NAPG: variants seen among roughly 807,000 people sequenced by gnomAD.
The protein encoded by NAPG is gamma-soluble NSF attachment protein.
Under a neutral mutation model 48.4 loss-of-function variants are expected in NAPG, and 25 were observed. The ratio of observed to expected loss-of-function variants is 0.52; its 90% CI spans 0.38 to 0.72. The LOEUF (loss-of-function observed/expected upper bound fraction) is 0.72, where lower values mean the gene tolerates loss of function less well. Among genes scored for constraint, NAPG ranks in the 30% least tolerant of loss-of-function variants. The pLI is 0.00. For synonymous variants in NAPG, 139 were observed against 127.2 expected, an observed-to-expected ratio of 1.09 and a Z score of -0.62; for missense variants, 359 against 372.5, an observed-to-expected ratio of 0.96 and a Z score of 0.30.
chr18:10,526,501 G>A (rs2031815152), intron 1 of NAPG: 2 of 300,462 alleles, frequency 6.7e-6, no homozygotes, highest in Admixed American at 1.0e-4. Context: ...TGCATCGGAG[G>A]CTCGTTAGCA....
At chr18:10,532,066 T>C (rs1347236433) in intron 2 of NAPG, among the ~76,000 whole-genome samples, 1 of 152,210 alleles carries the variant, frequency 6.6e-6, no homozygotes, top group Non-Finnish European at 1.5e-5. Context: ...CAACCCTTGA[T>C]AAGTTTTCCA....
Position 10,544,240 on chromosome 18 carries a change from C to A in NAPG, c.507-2086C>A, listed in dbSNP as rs2032215427. The stretch of plus-strand genomic sequence containing the variant: ...TAGCAGATTGCTACAAACTTAGCAG[C>A]TTAAAACAGTACTCACTGATTAGCT... On this transcript the variant is annotated intron_variant, in intron 8 of 11. Coordinates refer to ENST00000322897, the MANE Select transcript of NAPG (RefSeq NM_003826.3). This position sits in a 1 kb window ranked among gnomAD's most constrained non-coding sequence, Gnocchi z 5.1. 1.3e-5 allele frequency among the ~76,000 whole-genome samples: 2 copies of A among 152,204 alleles called. No homozygotes were observed. The highest frequency in any genetic ancestry group is 2.9e-5 in the Non-Finnish European group (2 of 68,036).
chr18:10,528,192 A>C lies in NAPG; in HGVS notation c.56+2034A>C, dbSNP rs149771711. On this transcript the variant is annotated intron_variant, in intron 1 of 11. Transcript: ENST00000322897. ...CAGAGCAAGACTCTGTATCAAAAAAATAAATAAATAAAAAGGAAAAGAAAA... is the reference window on the plus strand; with the variant it reads ...CAGAGCAAGACTCTGTATCAAAAAACTAAATAAATAAAAAGGAAAAGAAAA... 9.6e-4 allele frequency among the ~76,000 whole-genome samples: 147 copies of C among 152,346 alleles called. 1 individual carries two copies. Among genetic ancestry groups the C allele is most frequent in the African/African-American group, 3.4e-3 (140 of 41,576 alleles).
chr18:10,540,452 T>G lies in NAPG; in HGVS notation c.506+53T>G. On this transcript the variant is annotated intron_variant, in intron 8 of 11. Transcript: ENST00000322897. Reference sequence around the variant, plus strand: ...GTTTAACTATACTTTGAATCCACATTTGGAACTGGAAAGTAATTTGGGGGA... The same window carrying G: ...GTTTAACTATACTTTGAATCCACATGTGGAACTGGAAAGTAATTTGGGGGA... 8 of 1,492,380 alleles carry G rather than the reference T, an allele frequency of 5.4e-6. No individual in the cohort carries two copies. The South Asian group carries it at 9.2e-5, about 17-fold the overall frequency. 92.4% of individuals were successfully genotyped at this position (1,492,380 alleles called of 1,614,324 possible). A position where few individuals can be genotyped will look rare whatever the true frequency, so the allele number is the denominator to read the frequency against.
chr18:10,542,823 G>A lies in NAPG; in HGVS notation c.506+2424G>A, dbSNP rs573792943. The stretch of plus-strand genomic sequence containing the variant: ...GAGAGTCAAAATTCAGAAGTGATTC[G>A]TAGTTTCATTTAGATTACATCTGGG... On this transcript the variant is annotated intron_variant, in intron 8 of 11. Transcript: ENST00000322897. This position sits in a 1 kb window ranked among gnomAD's most constrained non-coding sequence, Gnocchi z 4.5. 2.4e-4 allele frequency among the ~76,000 whole-genome samples: 36 copies of A among 152,196 alleles called. No homozygotes were observed. The South Asian group carries it at 7.3e-3, about 31-fold the overall frequency.
chr18:10,540,095 GT>G, intron 7 of NAPG, 41 bp downstream of exon 7: 1 of 1,450,360 alleles, frequency 6.9e-7, no homozygotes, highest in Non-Finnish European at 9.4e-7. Flanking sequence ...TACTTAGAAT[GT>G]TTAGATTAAT....
chr18:10,535,862 G>T (rs746065781), intron 5 of NAPG, among the ~76,000 whole-genome samples: 62 of 152,272 alleles, frequency 4.1e-4, no homozygotes, highest in Non-Finnish European at 8.2e-4. Flanking sequence ...GGCCAAACAT[G>T]CAACTGAATT....
At chr18:10,538,239 A>C (rs551391936) in intron 5 of NAPG, among the ~76,000 whole-genome samples, 1 of 152,168 alleles carries the variant, frequency 6.6e-6, no homozygotes, top group African/African-American at 2.4e-5. Flanking sequence ...GGAATAACTA[A>C]AATGAATGAG....
Position 10,550,167 on chromosome 18 carries a change from A to G in NAPG, c.886A>G (p.Thr296Ala). 6.3e-7 allele frequency: 1 copy of G among 1,588,840 alleles called. No individual in the cohort carries two copies. Among genetic ancestry groups the G allele is most frequent in the Non-Finnish European group, 8.6e-7 (1 of 1,169,500 alleles). Residue 296 changes from threonine to alanine, a missense_variant, in exon 12 of 12, where the codon ACT becomes GCT. Physicochemically the swap from Thr to Ala is moderately conservative, Grantham distance 58. Coordinates refer to ENST00000322897, the MANE Select transcript of NAPG (RefSeq NM_003826.3). The stretch of plus-strand genomic sequence containing the variant: ...ACCACAGGCCAAGCCTGATGGTGTC[A>G]CTGCCACGGCTGCTGATGAAGAGGA... ...ATPQAKPDGV[T>A]ATAADEEEDE...
At chr18:10,527,050 TGG>T (rs1465534811) in intron 1 of NAPG, among the ~76,000 whole-genome samples, 10 of 151,416 alleles carry the variant, frequency 6.6e-5, no homozygotes, top group Non-Finnish European at 2.9e-5. Context: ...TAGCCGGGCG[TGG>T]TGGCGGGCGC....
At chr18:10,533,855 T>G (rs985362551) in intron 4 of NAPG, among the ~76,000 whole-genome samples, 1 of 152,212 alleles carries the variant, frequency 6.6e-6, no homozygotes. Context: ...ATGGTGCCTG[T>G]GGAGATGAAG....
rs759809497 is a variant in NAPG at position 10,534,434 on chromosome 18, A to C, written c.228-32A>C. On this transcript the variant is annotated intron_variant, in intron 4 of 11. Transcript: ENST00000322897. The surrounding 1 kb of genome is among the most constrained non-coding windows in gnomAD (Gnocchi z 5.0). Reference sequence around the variant, plus strand: ...TTCTTCTACCCCTTATTTCGTTAAGATCTCATCAGAGAAATTATATTCTCT... The same window carrying C: ...TTCTTCTACCCCTTATTTCGTTAAGCTCTCATCAGAGAAATTATATTCTCT... The C allele has an allele frequency of 1.2e-6, 2 of 1,609,448 alleles. No homozygotes were observed. Among genetic ancestry groups the C allele is most frequent in the Non-Finnish European group, 8.5e-7 (1 of 1,176,298 alleles).
At chr18:10,530,188 C>CTTTTTTTTTTT (rs58597079) in intron 1 of NAPG, among the ~76,000 whole-genome samples, 1 of 67,332 alleles carries the variant, frequency 1.5e-5, no homozygotes, top group Non-Finnish European at 2.8e-5. Flanking sequence ...CGAGTTTTCA[C>CTTTTTTTTTTT]TTTTTTTTTT....
chr18:10,526,223 T>A, intron 1 of NAPG, 65 bp downstream of exon 1: 1 of 732,950 alleles, frequency 1.4e-6, no homozygotes, highest in Non-Finnish European at 2.4e-6. Context: ...GGCGCGGCCT[T>A]AGCACCCGGG....
At position 10,539,310 on chromosome 18, in the gene NAPG, A is replaced by G. The variant is rs1335419046; in HGVS notation, c.259-452A>G. 2 of 168,918 alleles carry G rather than the reference A, an allele frequency of 1.2e-5. No individual in the cohort carries two copies. Among genetic ancestry groups the G allele is most frequent in the African/African-American group, 4.8e-5 (2 of 41,680 alleles). 10.5% of individuals were successfully genotyped at this position (168,918 alleles called of 1,614,324 possible). On this transcript the variant is annotated intron_variant, in intron 5 of 11. Coordinates refer to ENST00000322897, the MANE Select transcript of NAPG (RefSeq NM_003826.3). The surrounding 1 kb of genome is among the most constrained non-coding windows in gnomAD (Gnocchi z 4.7). Reference sequence around the variant, plus strand: ...AAAGAAAATGTGGTACATATACACCATGGAATACTATGCAGCTGTAAAAAA... The same window carrying G: ...AAAGAAAATGTGGTACATATACACCGTGGAATACTATGCAGCTGTAAAAAA...
chr18:10,542,347 T>G lies in NAPG; in HGVS notation c.506+1948T>G, dbSNP rs1039234399. On this transcript the variant is annotated intron_variant, in intron 8 of 11. Transcript: ENST00000322897. This position sits in a 1 kb window ranked among gnomAD's most constrained non-coding sequence, Gnocchi z 4.5. ...TTAACAATATAAAAATTAATTTAAA[T>G]TTGTGCAGGAACATGAAGGAATTTG... Among the ~76,000 whole-genome samples the G allele has an allele frequency of 2.6e-5, 4 of 152,206 alleles. No individual in the cohort carries two copies. Among genetic ancestry groups the G allele is most frequent in the African/African-American group, 9.6e-5 (4 of 41,466 alleles).
intron 9 of NAPG, among the ~76,000 whole-genome samples, chr18:10,547,730 G>C (rs2032298618): frequency 6.6e-6 from 1 of 152,076 alleles, no homozygotes. Context: ...CCAAAAGATG[G>C]AAAAATACTT....
At chr18:10,526,279 G>A (rs2031807119) in intron 1 of NAPG, 121 bp downstream of exon 1, 3 of 729,632 alleles carry the variant, frequency 4.1e-6, no homozygotes, top group South Asian at 1.6e-5. Context: ...CGGCGCGCTG[G>A]TGCCCGCAGG....
intron 1 of NAPG, among the ~76,000 whole-genome samples, chr18:10,527,570 G>A (rs560860787): frequency 7.6e-4 from 116 of 152,336 alleles, no homozygotes; most frequent in African/African-American, 2.7e-3. Flanking sequence ...TATTAACTGT[G>A]CATAGGTAAC....
Sources: allele counts gnomAD v4.1 joint callset (sites outside exome capture counted in the v4.1 genomes callset), GRCh38; gene constraint gnomAD v4.1.1; non-coding constraint Gnocchi (gnomAD v3.1); transcripts MANE v1.5; gene names NCBI Gene and HGNC (gene_info 2026-07-23, HGNC 2026-07-21).